The following PARD3B variants were observed in gnomAD, a reference collection of about 807,000 sequenced individuals.
PARD3B encodes the protein par-3 family cell polarity regulator beta.
PARD3B carries 103 observed loss-of-function variants against 130.2 expected under a neutral mutation model. The ratio of observed to expected loss-of-function variants is 0.79; its 90% confidence interval spans 0.67 to 0.93. The LOEUF (loss-of-function observed/expected upper bound fraction) is 0.93, where lower values mean the gene tolerates loss of function less well. PARD3B is among the 40% of genes least tolerant of loss of function. PARD3B has a pLI of 0.00. For missense variants in PARD3B, 1,609 were observed against 1,499.2 expected (o/e 1.07, Z -1.21); for synonymous variants, 583 against 553.2 (o/e 1.05, Z -0.76).
At chr2:204,869,265 T>C (rs1368344126) in intron 2 of PARD3B, among the ~76,000 whole-genome samples, 2 of 152,114 alleles carry the variant, frequency 1.3e-5, no homozygotes, top group Non-Finnish European at 2.9e-5. Flanking sequence ...TTGAAGAACA[T>C]GTTAAAAGAT....
chr2:204,985,958 G>A (rs916720210), intron 3 of PARD3B, among the ~76,000 whole-genome samples: 3 of 151,794 alleles, frequency 2.0e-5, no homozygotes, highest in South Asian at 2.1e-4. Flanking sequence ...AAAGTTAGCC[G>A]GGCGTGATGG....
intron 11 of PARD3B, among the ~76,000 whole-genome samples, chr2:205,159,952 C>T (rs989291600): frequency 6.6e-6 from 1 of 152,152 alleles, no homozygotes; most frequent in East Asian, 1.9e-4. Context: ...TGAAAATAAT[C>T]GTGATATGAA....
intron 16 of PARD3B, among the ~76,000 whole-genome samples, chr2:205,298,076 C>T (rs1220509029): frequency 1.3e-5 from 2 of 152,096 alleles, no homozygotes; most frequent in African/African-American, 4.8e-5. Flanking sequence ...CTTTCATGTT[C>T]CCTGGAATTT....
intron 2 of PARD3B, among the ~76,000 whole-genome samples, chr2:204,899,255 T>G (rs1189858108): frequency 2.2e-5 from 2 of 91,136 alleles, no homozygotes; most frequent in African/African-American, 8.9e-5. Flanking sequence ...CCTCCCTCCC[T>G]CCCTTCCTTC....
intron 1 of PARD3B, among the ~76,000 whole-genome samples, chr2:204,620,895 T>A (rs1202363494): frequency 6.6e-6 from 1 of 151,418 alleles, no homozygotes; most frequent in East Asian, 2.0e-4. Context: ...CTGAGTGCCC[T>A]TTCCCTATGC....
chr2:205,046,336 TG>T (rs1221894693), intron 3 of PARD3B, among the ~76,000 whole-genome samples: 1 of 152,034 alleles, frequency 6.6e-6, no homozygotes, highest in Non-Finnish European at 1.5e-5. Flanking sequence ...AAGAAATGTT[TG>T]GGATGGAGGT....
At chr2:204,661,298 G>T (rs1374929355) in intron 1 of PARD3B, among the ~76,000 whole-genome samples, 2 of 152,134 alleles carry the variant, frequency 1.3e-5, no homozygotes, top group African/African-American at 4.8e-5. Flanking sequence ...CACAAGGCTG[G>T]TGTTAACGGT....
intron 2 of PARD3B, among the ~76,000 whole-genome samples, chr2:204,813,854 T>C (rs1192121539): frequency 4.6e-5 from 7 of 152,136 alleles, no homozygotes; most frequent in Non-Finnish European, 1.0e-4. Context: ...CTCATGACTA[T>C]CTTGATTACT....
rs781734996 is a variant in PARD3B at position 205,281,193 on chromosome 2, G to T, written c.2186-19337G>T. On this transcript the variant is annotated intron_variant, in intron 16 of 22. Transcript: ENST00000406610. The surrounding 1 kb of genome is among the most constrained non-coding windows in gnomAD (Gnocchi z 4.2). ...CAAGGGTATAAGATTCCATGACTGTGATAGCAGACAGGTGCAAGAAAGAAG... is the reference window on the plus strand; with the variant it reads ...CAAGGGTATAAGATTCCATGACTGTTATAGCAGACAGGTGCAAGAAAGAAG... 4.5e-4 allele frequency among the ~76,000 whole-genome samples: 68 copies of T among 152,184 alleles called. No individual in the cohort carries two copies. The highest frequency in any genetic ancestry group is 8.2e-4 in the Non-Finnish European group (56 of 68,034).
chr2:204,869,692 G>A (rs2045561205), intron 2 of PARD3B, among the ~76,000 whole-genome samples: 1 of 151,930 alleles, frequency 6.6e-6, no homozygotes, highest in Admixed American at 6.6e-5. Flanking sequence ...ATTGGGCTGA[G>A]ACATGGAGGT....
rs147894782 is a variant in PARD3B, at chr2:205,045,021, T to C, written c.395-2560T>C. Among the ~76,000 whole-genome samples the C allele has an allele frequency of 6.2e-3, 945 of 151,686 alleles. 11 individuals are homozygous for C. Among genetic ancestry groups the C allele is most frequent in the African/African-American group, 0.022 (907 of 41,416 alleles). On this transcript the variant is annotated intron_variant, in intron 3 of 22. Coordinates refer to ENST00000406610, the MANE Select transcript of PARD3B (RefSeq NM_001302769.2). ...GAGAGAAAGAAAAATTAGAAGATACTCAACAGGAGACATTCAGGTGTGGAG... is the reference window on the plus strand; with the variant it reads ...GAGAGAAAGAAAAATTAGAAGATACCCAACAGGAGACATTCAGGTGTGGAG...
At chr2:204,548,709 G>A (rs916597084) in intron 1 of PARD3B, among the ~76,000 whole-genome samples, 127 of 152,236 alleles carry the variant, frequency 8.3e-4, no homozygotes, top group African/African-American at 2.7e-3. Context: ...ATATCCACAA[G>A]TTTCTCTTAA....
intron 2 of PARD3B, among the ~76,000 whole-genome samples, chr2:204,951,370 C>T (rs968124558): frequency 6.6e-6 from 1 of 151,916 alleles, no homozygotes; most frequent in Non-Finnish European, 1.5e-5. Context: ...CAGGTTTGTT[C>T]CTTAATCCAG....
At chr2:204,803,058 G>A (rs1326476456) in intron 2 of PARD3B, among the ~76,000 whole-genome samples, 2 of 149,274 alleles carry the variant, frequency 1.3e-5, no homozygotes, top group Non-Finnish European at 3.0e-5. Flanking sequence ...AAATGCAGTT[G>A]TGCTCCAGTA....
At chr2:205,415,378 A>G (rs1159380338) in intron 19 of PARD3B, among the ~76,000 whole-genome samples, 4 of 152,208 alleles carry the variant, frequency 2.6e-5, no homozygotes, top group Non-Finnish European at 4.4e-5. Context: ...CGAGAAAGGT[A>G]GTAAGTGAAA....
chr2:204,969,916 C>CGTGTGT (rs368645504), intron 3 of PARD3B, among the ~76,000 whole-genome samples: 1 of 150,292 alleles, frequency 6.7e-6, no homozygotes, highest in Non-Finnish European at 1.5e-5. Context: ...CTTCTCATCC[C>CGTGTGT]GTGTGTGTGT....
chr2:204,553,261 G>T (rs556132629), intron 1 of PARD3B, among the ~76,000 whole-genome samples: 1 of 152,150 alleles, frequency 6.6e-6, no homozygotes, highest in South Asian at 2.1e-4. Flanking sequence ...AAAAAAATAG[G>T]TGTTGGTGTG....
At chr2:204,764,151 G>A (rs1240295732) in intron 2 of PARD3B, among the ~76,000 whole-genome samples, 2 of 152,134 alleles carry the variant, frequency 1.3e-5, no homozygotes, top group Non-Finnish European at 2.9e-5. Flanking sequence ...GAGGGTTGCT[G>A]TTTTACAGTT....
In PARD3B at chr2:205,325,004, A is replaced by G. The variant is rs558069840; in HGVS notation, c.2630+23303A>G. 6.6e-6 allele frequency among the ~76,000 whole-genome samples: 1 copy of G among 152,282 alleles called. No individual in the cohort carries two copies. Among genetic ancestry groups the G allele is most frequent in the East Asian group, 1.9e-4 (1 of 5,180 alleles). The stretch of plus-strand genomic sequence containing the variant: ...ATCCATCAATTCGTTACCAAGTTCC[A>G]CAAATTCTACTCTCTAAGAATCTAA... On this transcript the variant is annotated intron_variant, in intron 18 of 22. Transcript: ENST00000406610. This position sits in a 1 kb window ranked among gnomAD's most constrained non-coding sequence, Gnocchi z 4.1.
Sources: gnomAD v4.1 joint callset for allele counts (sites outside exome capture counted in the v4.1 genomes callset) on GRCh38, gnomAD v4.1.1 for gene constraint, Gnocchi (gnomAD v3.1) non-coding constraint, MANE v1.5 for transcripts, NCBI Gene and HGNC (gene_info 2026-07-23, HGNC 2026-07-21) for gene names.